The following ZPBP variants were observed in gnomAD, a reference collection of about 807,000 sequenced individuals.
ZPBP encodes zona pellucida-binding protein 1.
A neutral mutation model predicts 44.8 loss-of-function variants in ZPBP; 26 were observed. That is an observed-to-expected ratio of 0.58 (90% confidence interval 0.43 to 0.81). The LOEUF (loss-of-function observed/expected upper bound fraction) is 0.81. ZPBP is among the 30% of genes least tolerant of loss of function. ZPBP has a pLI of 0.00. For synonymous variants in ZPBP, 174 were observed against 153.2 expected, an observed-to-expected ratio of 1.14 and a Z score of -1.00; for missense variants, 409 against 434.0, an observed-to-expected ratio of 0.94 and a Z score of 0.51.
Position 49,981,411 on chromosome 7 carries a change from T to G in ZPBP, c.961+1931A>C, listed in dbSNP as rs1472111285. On this transcript the variant is annotated intron_variant, in intron 7 of 7. Coordinates refer to ENST00000046087, the MANE Select transcript of ZPBP (RefSeq NM_007009.3). ...TTATATATATTATATATAAAATATA[T>G]ATAATATATAATATAAAATATATAT... is the stretch of plus-strand genomic sequence containing the variant. Among the ~76,000 whole-genome samples the G allele has an allele frequency of 8.5e-5, 3 of 35,104 alleles. 1 individual carries two copies. In the South Asian group the frequency reaches 2.7e-3, roughly 32 times the overall value. The allele number at this position is 35,104 out of a possible 152,430, so 23.0% of individuals were successfully genotyped here.
chr7:50,020,193 G>C (rs1378100143), intron 5 of ZPBP, among the ~76,000 whole-genome samples: 2 of 152,056 alleles, frequency 1.3e-5, no homozygotes, highest in Non-Finnish European at 2.9e-5. Flanking sequence ...TGGCAGACCT[G>C]AGTCTACCAA....
intron 6 of ZPBP, among the ~76,000 whole-genome samples, chr7:50,011,795 T>C (rs1390445802): frequency 6.6e-6 from 1 of 152,126 alleles, no homozygotes; most frequent in Non-Finnish European, 1.5e-5. Context: ...CTCATGACTG[T>C]AATCCCAGCA....
intron 7 of ZPBP, among the ~76,000 whole-genome samples, chr7:49,963,273 T>C (rs189404059): frequency 2.0e-5 from 3 of 151,830 alleles, no homozygotes; most frequent in East Asian, 3.9e-4. Context: ...AGAAATCTCA[T>C]ACATTGCTGG....
At chr7:49,993,485 G>T (rs1476264611) in intron 6 of ZPBP, among the ~76,000 whole-genome samples, 4 of 152,120 alleles carry the variant, frequency 2.6e-5, no homozygotes, top group Admixed American at 6.6e-5. Context: ...TTGGCAACTG[G>T]ATTGAAAAGC....
chr7:49,978,993 A>G (rs1230626145), intron 7 of ZPBP, among the ~76,000 whole-genome samples: 3 of 152,244 alleles, frequency 2.0e-5, no homozygotes, highest in Admixed American at 2.0e-4. Context: ...TTTATTAACC[A>G]TAAGATGGCA....
chr7:49,937,166 TA>T (rs1432235402), downstream of ZPBP, among the ~76,000 whole-genome samples: 2 of 152,026 alleles, frequency 1.3e-5, no homozygotes, highest in Non-Finnish European at 2.9e-5. Context: ...AAACTGAAAT[TA>T]AAGTTATTAT....
At chr7:49,941,331 T>G (rs931292766) in intron 7 of ZPBP, among the ~76,000 whole-genome samples, 4 of 152,124 alleles carry the variant, frequency 2.6e-5, no homozygotes, top group African/African-American at 9.7e-5. Context: ...CTAGGAAGTA[T>G]TGCATATCCA....
intron 3 of ZPBP, among the ~76,000 whole-genome samples, chr7:50,067,391 A>G (rs1018227535): frequency 1.3e-5 from 2 of 152,106 alleles, no homozygotes; most frequent in Non-Finnish European, 2.9e-5. Flanking sequence ...AAGCAGCAGA[A>G]GCATATTTGG....
intron 6 of ZPBP, among the ~76,000 whole-genome samples, chr7:50,012,867 A>T (rs1392301794): frequency 6.6e-6 from 1 of 151,440 alleles, no homozygotes. Flanking sequence ...TTTGCAGATG[A>T]CATGATAGAT....
At chr7:49,901,615 A>T (rs1301099559) in intron 1 of ZPBP, among the ~76,000 whole-genome samples, 1 of 151,910 alleles carries the variant, frequency 6.6e-6, no homozygotes, top group Non-Finnish European at 1.5e-5. Context: ...CATTATCAAG[A>T]TCTATTGTTG....
intron 3 of ZPBP, among the ~76,000 whole-genome samples, chr7:50,073,378 A>T (rs1435234876): frequency 6.6e-6 from 1 of 152,130 alleles, no homozygotes; most frequent in Non-Finnish European, 1.5e-5. Context: ...AAAGGAGTAA[A>T]AAACAGTGAA....
chr7:50,019,161 G>A (rs1420141340), intron 5 of ZPBP, among the ~76,000 whole-genome samples: 6 of 152,014 alleles, frequency 3.9e-5, no homozygotes, highest in Non-Finnish European at 5.9e-5. Flanking sequence ...TTCCAGTTAT[G>A]AGGATATATT....
chr7:49,922,939 C>T (rs1254748732), intron 1 of ZPBP, among the ~76,000 whole-genome samples: 2 of 152,194 alleles, frequency 1.3e-5, no homozygotes, highest in Admixed American at 1.3e-4. Flanking sequence ...CCTAAACTGA[C>T]CTAGCAAAAT....
chr7:49,989,484 G>A (rs548178054), intron 6 of ZPBP, among the ~76,000 whole-genome samples: 1 of 152,248 alleles, frequency 6.6e-6, no homozygotes, highest in South Asian at 2.1e-4. Context: ...AATTATTCTT[G>A]CTGCACTTTA....
chr7:50,066,655 T>C (rs898272825), intron 3 of ZPBP, among the ~76,000 whole-genome samples: 3 of 152,318 alleles, frequency 2.0e-5, no homozygotes, highest in South Asian at 2.1e-4. Flanking sequence ...TCAGTACTGA[T>C]AGAATTATAA....
intron 6 of ZPBP, among the ~76,000 whole-genome samples, chr7:49,994,696 T>C (rs1192798663): frequency 6.6e-6 from 1 of 152,174 alleles, no homozygotes; most frequent in Non-Finnish European, 1.5e-5. Context: ...GCCTGTGATA[T>C]GATTCACATA....
intron 7 of ZPBP, among the ~76,000 whole-genome samples, chr7:49,974,711 A>G (rs1796428381): frequency 8.9e-6 from 1 of 112,160 alleles, no homozygotes; most frequent in South Asian, 2.8e-4. Flanking sequence ...ACTGGATGCT[A>G]AAGTTAGTTC....
At chr7:50,019,559 T>C (rs1562849702) in intron 5 of ZPBP, among the ~76,000 whole-genome samples, 1 of 152,138 alleles carries the variant, frequency 6.6e-6, no homozygotes, top group South Asian at 2.1e-4. Context: ...TAGTATGTCA[T>C]GTAAAATATG....
intron 7 of ZPBP, among the ~76,000 whole-genome samples, chr7:49,953,150 C>A (rs1795419966): frequency 6.6e-6 from 1 of 152,008 alleles, no homozygotes; most frequent in Non-Finnish European, 1.5e-5. Context: ...TAAGGTGGAG[C>A]CCAGCAAAGT....
Sources: gnomAD v4.1 joint callset for allele counts (sites outside exome capture counted in the v4.1 genomes callset) on GRCh38, gnomAD v4.1.1 for gene constraint, MANE v1.5 for transcripts, NCBI Gene and HGNC (gene_info 2026-07-23, HGNC 2026-07-21) for gene names.